Variants in SLC35D2 observed in about 807,000 individuals in gnomAD.
SLC35D2 encodes nucleotide sugar transporter SLC35D2.
In SLC35D2, 43 loss-of-function variants were observed where a neutral mutation model predicts 41.8. That is an observed-to-expected ratio of 1.03 (90% confidence interval 0.81 to 1.33). SLC35D2 has a LOEUF of 1.33. SLC35D2 is among the 40% of genes most tolerant of loss of function. The pLI, the probability that SLC35D2 is intolerant of heterozygous loss-of-function variation, is 0.00. For synonymous variants in SLC35D2, 150 were observed against 163.9 expected (o/e 0.92, Z 0.65); for missense variants, 380 against 408.4 (o/e 0.93, Z 0.60).
chr9:96,366,913 A>G (rs1182224103), intron 2 of SLC35D2, among the ~76,000 whole-genome samples: 1 of 151,836 alleles, frequency 6.6e-6, no homozygotes, highest in Non-Finnish European at 1.5e-5. Context: ...TATTAGCAAG[A>G]CATTTAATCA....
intron 9 of SLC35D2, among the ~76,000 whole-genome samples, chr9:96,334,739 A>G (rs1828973458): frequency 6.6e-6 from 1 of 152,196 alleles, no homozygotes; most frequent in Non-Finnish European, 1.5e-5. Flanking sequence ...AAAAAACTGC[A>G]TGCTTAAATT....
downstream of SLC35D2, among the ~76,000 whole-genome samples, chr9:96,318,578 G>C (rs1372028397): frequency 2.0e-5 from 3 of 152,002 alleles, no homozygotes; most frequent in Non-Finnish European, 4.4e-5. Context: ...GACTTGAATA[G>C]ACATTTATTT....
intron 8 of SLC35D2, among the ~76,000 whole-genome samples, chr9:96,337,668 T>C (rs1434251248): frequency 1.3e-5 from 2 of 152,094 alleles, no homozygotes; most frequent in East Asian, 1.9e-4. Context: ...GTGGAGGACA[T>C]GGTAGACAAA....
At chr9:96,356,358 G>A (rs1484314026) in intron 4 of SLC35D2, among the ~76,000 whole-genome samples, 4 of 147,632 alleles carry the variant, frequency 2.7e-5, no homozygotes, top group Middle Eastern at 7.5e-3. Flanking sequence ...AATCCCTATC[G>A]AATCTTAGCT....
chr9:96,363,146 C>T (rs1425513378), intron 3 of SLC35D2, among the ~76,000 whole-genome samples: 1 of 150,614 alleles, frequency 6.6e-6, no homozygotes, highest in African/African-American at 2.4e-5. Flanking sequence ...GGATTACAGG[C>T]GTGAGCCACC....
At chr9:96,372,563 T>C (rs1830747328) in intron 1 of SLC35D2, among the ~76,000 whole-genome samples, 1 of 148,696 alleles carries the variant, frequency 6.7e-6, no homozygotes, top group African/African-American at 2.5e-5. Context: ...AGCTAAATAA[T>C]TAAATAATTA....
chr9:96,336,092 AAAGCC>A, intron 9 of SLC35D2, among the ~76,000 whole-genome samples: 1 of 152,074 alleles, frequency 6.6e-6, no homozygotes. Context: ...CAAGAACAAA[AAAGCC>A]TAACTGTTGG....
At chr9:96,336,864 T>C in intron 8 of SLC35D2, 80 bp from the exon 9 acceptor site, 1 of 814,676 alleles carries the variant, frequency 1.2e-6, no homozygotes, top group South Asian at 1.7e-5. Context: ...AAACTGCATT[T>C]TGATACAGGA....
chr9:96,383,406 C>T, intron 1 of SLC35D2, 71 bp downstream of exon 1: 2 of 1,328,900 alleles, frequency 1.5e-6, no homozygotes, highest in South Asian at 1.3e-5. Flanking sequence ...TCCCGGGCGC[C>T]GCTGAAGCGC....
At chr9:96,382,496 C>CTATATATATATATATATATA (rs142809659) in intron 1 of SLC35D2, among the ~76,000 whole-genome samples, 1 of 127,914 alleles carries the variant, frequency 7.8e-6, no homozygotes, top group African/African-American at 2.9e-5. Flanking sequence ...CACACACACA[C>CTATATATATATATATATATA]TATATATATA....
intron 6 of SLC35D2, chr9:96,350,699 C>G: frequency 6.3e-6 from 1 of 157,516 alleles, no homozygotes; most frequent in African/African-American, 2.4e-5. Flanking sequence ...CCATCGGAAA[C>G]AGCAACTGCT....
At chr9:96,323,257 T>G (rs1408417769) in intron 10 of SLC35D2, among the ~76,000 whole-genome samples, 2 of 152,028 alleles carry the variant, frequency 1.3e-5, no homozygotes, top group African/African-American at 2.4e-5. Context: ...TTCATGTGAA[T>G]AGAAAAATGA....
intron 2 of SLC35D2, among the ~76,000 whole-genome samples, chr9:96,366,082 C>T (rs1054407707): frequency 2.0e-5 from 3 of 152,024 alleles, no homozygotes; most frequent in Admixed American, 6.6e-5. Context: ...GTGGGCAGAT[C>T]GCTTGAGCCC....
intron 7 of SLC35D2, among the ~76,000 whole-genome samples, 189 bp from the exon 8 acceptor site, chr9:96,344,185 A>T (rs1241780687): frequency 6.6e-6 from 1 of 152,188 alleles, no homozygotes; most frequent in Non-Finnish European, 1.5e-5. Flanking sequence ...TTTGGAATAA[A>T]CATTTGTTTT....
intron 6 of SLC35D2, 134 bp from the exon 7 acceptor site, chr9:96,345,535 G>A: frequency 1.6e-6 from 1 of 640,488 alleles, no homozygotes; most frequent in Non-Finnish European, 2.8e-6. Context: ...GGTAGTGAAT[G>A]ATTAATTCCT....
intron 4 of SLC35D2, among the ~76,000 whole-genome samples, chr9:96,353,414 C>T (rs1423740865): frequency 2.0e-5 from 3 of 151,918 alleles, no homozygotes; most frequent in Non-Finnish European, 2.9e-5. Context: ...AGTGCAGTGG[C>T]GCGATCTCAG....
chr9:96,337,889 GGA>G (rs1829121089), intron 8 of SLC35D2, among the ~76,000 whole-genome samples: 1 of 150,866 alleles, frequency 6.6e-6, no homozygotes, highest in Non-Finnish European at 1.5e-5. Context: ...GGCTGAGGCA[GGA>G]GAATCACTTG....
chr9:96,317,619 A>AT (rs951502190), downstream of SLC35D2, among the ~76,000 whole-genome samples: 29 of 152,288 alleles, frequency 1.9e-4, no homozygotes, highest in African/African-American at 5.8e-4. Flanking sequence ...AAAATTAAAG[A>AT]TTTTTTTAAA....
At chr9:96,328,025 A>G (rs1828627735) in intron 9 of SLC35D2, among the ~76,000 whole-genome samples, 1 of 152,176 alleles carries the variant, frequency 6.6e-6, no homozygotes, top group Non-Finnish European at 1.5e-5. Context: ...ATCTATTTCT[A>G]TATGCAAAAA....
Sources: gnomAD v4.1 joint callset for allele counts (sites outside exome capture counted in the v4.1 genomes callset) on GRCh38, gnomAD v4.1.1 for gene constraint, MANE v1.5 for transcripts, NCBI Gene and HGNC (gene_info 2026-07-23, HGNC 2026-07-21) for gene names.